The following DTD1 variants were observed in gnomAD, a reference collection of about 807,000 sequenced individuals.
DTD1 encodes the protein D-aminoacyl-tRNA deacylase 1.
A neutral mutation model predicts 25.6 loss-of-function variants in DTD1; 13 were observed. The ratio of observed to expected loss-of-function variants is 0.51; its 90% CI spans 0.33 to 0.81. The LOEUF (loss-of-function observed/expected upper bound fraction) is 0.81. Ranked by LOEUF, DTD1 falls within the 30% of genes least tolerant of loss-of-function variation. The probability of loss-of-function intolerance (pLI) is 0.02; values close to 1 mark genes in which losing one functional copy is unlikely to be tolerated. For synonymous variants in DTD1, 110 were observed against 103.6 expected (o/e 1.06, Z -0.37); for missense variants, 193 against 266.4 (o/e 0.72, Z 1.92).
intron 3 of DTD1, among the ~76,000 whole-genome samples, chr20:18,599,522 T>A (rs1361817102): frequency 6.6e-6 from 1 of 152,168 alleles, no homozygotes; most frequent in African/African-American, 2.4e-5. Context: ...AGTTTTCAGC[T>A]CTTTTGTGCA....
intron 4 of DTD1, among the ~76,000 whole-genome samples, chr20:18,740,350 A>C (rs1304274209): frequency 2.0e-5 from 3 of 152,046 alleles, no homozygotes; most frequent in Non-Finnish European, 4.4e-5. Flanking sequence ...TAATCTCTGA[A>C]GATGAGAAAC....
chr20:18,607,894 AG>A (rs1392226560), intron 3 of DTD1, among the ~76,000 whole-genome samples: 1 of 151,850 alleles, frequency 6.6e-6, no homozygotes, highest in Non-Finnish European at 1.5e-5. Context: ...TTGTATTTTT[AG>A]TAGAGAAGGG....
chr20:18,680,126 T>C (rs960301000), intron 4 of DTD1, among the ~76,000 whole-genome samples: 2 of 152,148 alleles, frequency 1.3e-5, no homozygotes, highest in African/African-American at 4.8e-5. Context: ...CCAATCTACA[T>C]TTCACATATA....
At chr20:18,669,341 G>T (rs552711802) in intron 4 of DTD1, among the ~76,000 whole-genome samples, 14 of 152,264 alleles carry the variant, frequency 9.2e-5, no homozygotes, top group Admixed American at 3.3e-4. Context: ...TGAGAGTCCT[G>T]TCCCTTCCCT....
chr20:18,697,059 G>A (rs1003774151), intron 4 of DTD1, among the ~76,000 whole-genome samples: 3 of 151,624 alleles, frequency 2.0e-5, no homozygotes, highest in African/African-American at 7.3e-5. Context: ...GTGAAACCCC[G>A]CCTCTACTAA....
chr20:18,607,242 A>T (rs1329748028), intron 3 of DTD1, among the ~76,000 whole-genome samples: 1 of 151,788 alleles, frequency 6.6e-6, no homozygotes, highest in Non-Finnish European at 1.5e-5. Context: ...TGGCTCTGCA[A>T]CCTCTGCCTT....
At chr20:18,650,459 T>A (rs755921788) in intron 4 of DTD1, among the ~76,000 whole-genome samples, 41 of 152,158 alleles carry the variant, frequency 2.7e-4, no homozygotes, top group Non-Finnish European at 4.6e-4. Flanking sequence ...AAATCTGCCC[T>A]CCTGCTCTGT....
chr20:18,658,618 G>T (rs1206145298), intron 4 of DTD1, among the ~76,000 whole-genome samples: 2 of 152,184 alleles, frequency 1.3e-5, no homozygotes. Context: ...TGTCATTCGA[G>T]TGCAACCCCA....
intron 4 of DTD1, among the ~76,000 whole-genome samples, chr20:18,729,146 G>A (rs1177845506): frequency 6.6e-6 from 1 of 152,228 alleles, no homozygotes; most frequent in Non-Finnish European, 1.5e-5. Flanking sequence ...TGGGACTACA[G>A]GCATGTGCCA....
chr20:18,671,101 C>T (rs951782257), intron 4 of DTD1, among the ~76,000 whole-genome samples: 2 of 152,152 alleles, frequency 1.3e-5, no homozygotes, highest in Non-Finnish European at 2.9e-5. Flanking sequence ...GTCTGTGGCT[C>T]TGTTGCTTAG....
chr20:18,688,889 G>C (rs556276646), intron 4 of DTD1, among the ~76,000 whole-genome samples: 57 of 152,190 alleles, frequency 3.7e-4, no homozygotes, highest in Non-Finnish European at 6.0e-4. Flanking sequence ...TGGCCTGTGG[G>C]GGGTGGGGAG....
At chr20:18,615,312 C>T (rs1382514516) in intron 3 of DTD1, among the ~76,000 whole-genome samples, 1 of 152,018 alleles carries the variant, frequency 6.6e-6, no homozygotes, top group Non-Finnish European at 1.5e-5. Context: ...GGCTGTTTCT[C>T]GAATCATTGC....
intron 4 of DTD1, among the ~76,000 whole-genome samples, chr20:18,687,905 A>T (rs2061023757): frequency 6.6e-6 from 1 of 152,160 alleles, no homozygotes; most frequent in Non-Finnish European, 1.5e-5. Flanking sequence ...AATTGGAGAA[A>T]ATGTGTTTGC....
At chr20:18,600,485 C>T (rs556880569) in intron 3 of DTD1, among the ~76,000 whole-genome samples, 11 of 152,288 alleles carry the variant, frequency 7.2e-5, no homozygotes, top group African/African-American at 2.6e-4. Flanking sequence ...ATTGATACCA[C>T]ACTGTCTTAT....
intron 4 of DTD1, among the ~76,000 whole-genome samples, chr20:18,650,850 T>C (rs1199656173): frequency 6.6e-6 from 1 of 152,198 alleles, no homozygotes; most frequent in African/African-American, 2.4e-5. Context: ...TTTTAGATCC[T>C]TTATCCCATA....
At position 18,684,832 on chromosome 20, in the gene DTD1, G is replaced by A. The variant is rs117224425; in HGVS notation, c.477+56599G>A. On this transcript the variant is annotated intron_variant, in intron 4 of 5. Transcript: ENST00000377452. ...ATCTCTACATGTTGGAGCTAAAGTC[G>A]GAAGTTTCTCAAATCCTGTTGTAAG... Among the ~76,000 whole-genome samples, 1,197 of 152,104 alleles carry A rather than the reference G, an allele frequency of 7.9e-3. 8 individuals carry two copies. Among genetic ancestry groups the A allele is most frequent in the Middle Eastern group, 0.014 (4 of 290 alleles).
chr20:18,703,924 G>A (rs181070340), intron 4 of DTD1, among the ~76,000 whole-genome samples: 3 of 150,940 alleles, frequency 2.0e-5, no homozygotes, highest in East Asian at 3.9e-4. Flanking sequence ...CACATATCTC[G>A]ATGTCTTTGG....
chr20:18,617,111 G>C (rs1231640140), intron 3 of DTD1, among the ~76,000 whole-genome samples: 1 of 152,000 alleles, frequency 6.6e-6, no homozygotes, highest in African/African-American at 2.4e-5. Flanking sequence ...TTAGCCGAGA[G>C]TCTATGATAC....
At chr20:18,724,435 T>C (rs913830845) in intron 4 of DTD1, among the ~76,000 whole-genome samples, 1 of 152,196 alleles carries the variant, frequency 6.6e-6, no homozygotes, top group East Asian at 1.9e-4. Flanking sequence ...AGAATGGCCA[T>C]GGAGAATTCT....
Sources: allele counts gnomAD v4.1 joint callset (sites outside exome capture counted in the v4.1 genomes callset), GRCh38; gene constraint gnomAD v4.1.1; transcripts MANE v1.5; gene names NCBI Gene and HGNC (gene_info 2026-07-23, HGNC 2026-07-21).